MARCHF8: variants seen among roughly 807,000 people sequenced by gnomAD.
MARCHF8 encodes membrane associated ring-CH-type finger 8.
MARCHF8 carries 40 observed loss-of-function variants against 51.6 expected under a neutral mutation model. The observed-to-expected ratio is 0.77, with a 90% CI of 0.60 to 1.01. MARCHF8 has a LOEUF of 1.01. Among genes scored for constraint, MARCHF8 ranks in the 50% least tolerant of loss-of-function variants. The pLI is 0.00. For missense variants in MARCHF8, 685 were observed against 708.6 expected (o/e 0.97, Z 0.38); for synonymous variants, 263 against 280.3 (o/e 0.94, Z 0.62).
intron 3 of MARCHF8, among the ~76,000 whole-genome samples, chr10:45,486,912 C>T (rs761308641): frequency 9.4e-5 from 14 of 149,340 alleles, no homozygotes; most frequent in African/African-American, 2.7e-4. Flanking sequence ...CAGGTTCAAG[C>T]GATTCTCCTG....
intron 1 of MARCHF8, among the ~76,000 whole-genome samples, chr10:45,554,937 C>T (rs2044235180): frequency 6.6e-6 from 1 of 152,156 alleles, no homozygotes; most frequent in African/African-American, 2.4e-5. Flanking sequence ...CACCTGTTGT[C>T]CCAGCTACTT....
intron 3 of MARCHF8, among the ~76,000 whole-genome samples, chr10:45,470,796 G>T (rs868449214): frequency 3.9e-5 from 6 of 152,060 alleles, no homozygotes; most frequent in African/African-American, 1.4e-4. Context: ...AAACTCACTT[G>T]GTGTTTACAT....
chr10:45,515,140 T>C (rs1041944592), intron 2 of MARCHF8, among the ~76,000 whole-genome samples: 2 of 152,226 alleles, frequency 1.3e-5, no homozygotes, highest in Admixed American at 1.3e-4. Context: ...TTGTCCATGC[T>C]TACATATTTC....
At chr10:45,550,805 C>A (rs2044186393) in intron 1 of MARCHF8, among the ~76,000 whole-genome samples, 1 of 152,214 alleles carries the variant, frequency 6.6e-6, no homozygotes, top group Admixed American at 6.5e-5. Context: ...TCTCTACAAG[C>A]AAAACATGTT....
chr10:45,531,403 T>A (rs1454818856), intron 2 of MARCHF8, among the ~76,000 whole-genome samples: 1 of 152,084 alleles, frequency 6.6e-6, no homozygotes, highest in Non-Finnish European at 1.5e-5. Context: ...ACACCAGAAA[T>A]GGTAATTATC....
intron 1 of MARCHF8, among the ~76,000 whole-genome samples, chr10:45,562,701 C>T (rs1381460161): frequency 6.6e-6 from 1 of 151,896 alleles, no homozygotes; most frequent in Non-Finnish European, 1.5e-5. Flanking sequence ...AAAATGAGCT[C>T]AGAATAGAGA....
At chr10:45,540,635 T>C (rs1360907974) in intron 1 of MARCHF8, among the ~76,000 whole-genome samples, 2 of 152,094 alleles carry the variant, frequency 1.3e-5, no homozygotes, top group Non-Finnish European at 2.9e-5. Flanking sequence ...ACAGGCAACC[T>C]ACAGAATGGG....
chr10:45,512,751 G>A lies in MARCHF8; in HGVS notation c.102+20359C>T, dbSNP rs968877066. Among the ~76,000 whole-genome samples, 28 of 152,250 alleles carry A rather than the reference G, an allele frequency of 1.8e-4. 1 individual carries two copies. Among genetic ancestry groups the A allele is most frequent in the South Asian group, 1.2e-3 (6 of 4,826 alleles). On this transcript the variant is annotated intron_variant, in intron 2 of 7. Transcript: ENST00000453424. ...CCCAACAGCTCATTGAGAACGGGCCGGGACGACAATGGCGGTTTTGTGGAA... is the reference window on the plus strand; with the variant it reads ...CCCAACAGCTCATTGAGAACGGGCCAGGACGACAATGGCGGTTTTGTGGAA...
chr10:45,546,591 G>A (rs2044125960), intron 1 of MARCHF8, among the ~76,000 whole-genome samples: 2 of 151,922 alleles, frequency 1.3e-5, no homozygotes, highest in Non-Finnish European at 2.9e-5. Flanking sequence ...AGACCAGCCT[G>A]GGCCACATGG....
chr10:45,537,044 G>A (rs2043982668), upstream of MARCHF8, among the ~76,000 whole-genome samples: 1 of 152,096 alleles, frequency 6.6e-6, no homozygotes. Context: ...CTGCTAGTGA[G>A]GATCTATGCA....
chr10:45,466,772 G>A (rs1589079108), intron 3 of MARCHF8, among the ~76,000 whole-genome samples: 2 of 152,090 alleles, frequency 1.3e-5, no homozygotes, highest in African/African-American at 4.8e-5. Context: ...GTTTCTGATG[G>A]GAAATTAAAG....
At chr10:45,471,072 TA>T (rs1438912475) in intron 3 of MARCHF8, among the ~76,000 whole-genome samples, 1 of 152,094 alleles carries the variant, frequency 6.6e-6, no homozygotes, top group African/African-American at 2.4e-5. Context: ...AACTGACCAT[TA>T]AAAAAGTAAG....
chr10:45,580,865 C>CA (rs1261715622), intron 1 of MARCHF8, among the ~76,000 whole-genome samples: 2 of 152,172 alleles, frequency 1.3e-5, no homozygotes, highest in Middle Eastern at 3.4e-3. Flanking sequence ...TTAGCTACCA[C>CA]AAAAAAACAC....
intron 2 of MARCHF8, among the ~76,000 whole-genome samples, chr10:45,497,078 C>G (rs2133121414): frequency 1.3e-5 from 2 of 151,998 alleles, no homozygotes; most frequent in Middle Eastern, 3.4e-3. Context: ...TCAGGAGATA[C>G]AATTAGACTC....
At chr10:45,532,709 G>C (rs2043906776) in intron 2 of MARCHF8, among the ~76,000 whole-genome samples, 1 of 152,170 alleles carries the variant, frequency 6.6e-6, no homozygotes, top group South Asian at 2.1e-4. Context: ...AAACCACCCA[G>C]GCTATGGCAT....
chr10:45,462,869 A>C (rs929299786), intron 5 of MARCHF8, among the ~76,000 whole-genome samples: 4 of 150,472 alleles, frequency 2.7e-5, no homozygotes, highest in Admixed American at 1.3e-4. Flanking sequence ...CAGGTGATCC[A>C]CCCGCCTCAG....
intron 1 of MARCHF8, among the ~76,000 whole-genome samples, chr10:45,533,725 C>T (rs764239952): frequency 1.3e-5 from 2 of 152,126 alleles, no homozygotes; most frequent in Non-Finnish European, 2.9e-5. Flanking sequence ...CCAAATTAAA[C>T]TCAAGGTATC....
At chr10:45,529,882 G>A (rs979375673) in intron 2 of MARCHF8, among the ~76,000 whole-genome samples, 50 of 152,256 alleles carry the variant, frequency 3.3e-4, no homozygotes, top group African/African-American at 1.2e-3. Flanking sequence ...ACAATATGGA[G>A]ACTTCTCAAA....
intron 1 of MARCHF8, among the ~76,000 whole-genome samples, chr10:45,563,633 C>A (rs2044334376): frequency 6.6e-6 from 1 of 151,932 alleles, no homozygotes; most frequent in Non-Finnish European, 1.5e-5. Flanking sequence ...AAGAAAAGAG[C>A]ACGGAAAGTG....
Sources: allele counts gnomAD v4.1 joint callset (sites outside exome capture counted in the v4.1 genomes callset), GRCh38; gene constraint gnomAD v4.1.1; transcripts MANE v1.5; gene names NCBI Gene and HGNC (gene_info 2026-07-23, HGNC 2026-07-21).